Variants in NUCB2 observed in about 807,000 individuals in gnomAD.
The protein encoded by NUCB2 is nucleobindin-2.
A neutral mutation model predicts 57.9 loss-of-function variants in NUCB2; 48 were observed. That is an observed-to-expected ratio of 0.83 (90% CI 0.66 to 1.05). The LOEUF (loss-of-function observed/expected upper bound fraction) is 1.05, where lower values mean the gene tolerates loss of function less well. Among genes scored for constraint, NUCB2 ranks in the 50% least tolerant of loss-of-function variants. The pLI is 0.00. For missense variants in NUCB2, 442 were observed against 476.2 expected (o/e 0.93, Z 0.67); for synonymous variants, 139 against 152.1 (o/e 0.91, Z 0.64).
chr11:17,312,229 C>T lies in NUCB2; in HGVS notation c.912+109C>T, dbSNP rs73417229. ...AGAATTTGTATTTAAATGGAGTTTG[C>T]GTTTTTGTTTTTGTTTTTTTTTTGA... On this transcript the variant is annotated intron_variant, in intron 10 of 13. Transcript: ENST00000529010. The T allele has an allele frequency of 2.9e-3, 2,018 of 698,922 alleles. 32 individuals are homozygous for T. In the African/African-American group the frequency reaches 0.029, roughly 10 times the overall value. The allele number at this position is 698,922 out of a possible 1,614,324, so 43.3% of individuals were successfully genotyped here.
At chr11:17,305,883 C>T (rs1313725674) in intron 5 of NUCB2, among the ~76,000 whole-genome samples, 1 of 152,042 alleles carries the variant, frequency 6.6e-6, no homozygotes, top group Non-Finnish European at 1.5e-5. Context: ...GCCTTGGCCT[C>T]CTAAAGTGCA....
At chr11:17,341,819 T>C (rs1449442766) in intron 2 of NUCB2, among the ~76,000 whole-genome samples, 1 of 152,214 alleles carries the variant, frequency 6.6e-6, no homozygotes, top group African/African-American at 2.4e-5. Context: ...ATCAGGATGA[T>C]GCTGGGCTCA....
chr11:17,330,366 G>T lies in NUCB2; in HGVS notation c.1173+69G>T. 1.6e-6 allele frequency: 2 copies of T among 1,223,896 alleles called. No individual in the cohort carries two copies. Among genetic ancestry groups the T allele is most frequent in the South Asian group, 2.9e-5 (2 of 68,202 alleles). The allele number at this position is 1,223,896 out of a possible 1,614,324, so 75.8% of individuals were successfully genotyped here. A position where few individuals can be genotyped will look rare whatever the true frequency, so the allele number is the denominator to read the frequency against. ...TGCTTTGTTAAAAGCCTGTGTTTTT[G>T]TAACATATTTCATTGTACTATATAG... is the stretch of plus-strand genomic sequence containing the variant. On this transcript the variant is annotated intron_variant, in intron 12 of 13. Transcript: ENST00000529010. This position sits in a 1 kb window ranked among gnomAD's most constrained non-coding sequence, Gnocchi z 4.3.
intron 2 of NUCB2, among the ~76,000 whole-genome samples, chr11:17,292,543 G>T (rs746152854): frequency 6.6e-6 from 1 of 152,172 alleles, no homozygotes; most frequent in Non-Finnish European, 1.5e-5. Flanking sequence ...TATGGAGTAG[G>T]CCTTGAGAAT....
chr11:17,301,825 G>C lies in NUCB2; in HGVS notation c.334G>C (p.Gly112Arg), dbSNP rs776221178. Residue 112 changes from glycine (G) to arginine (R), a missense_variant, in exon 5 of 14, where the codon GGA becomes CGA. Gly to Arg is a moderately radical substitution (Grantham distance 125). Coordinates refer to ENST00000529010, the MANE Select transcript of NUCB2 (RefSeq NM_005013.4). Reference protein sequence around the residue: ...KLDELKRQEVGRLRMLIKAKL... With the variant: ...KLDELKRQEVRRLRMLIKAKL... ...TGATGAACTGAAAAGGCAAGAAGTA[G>C]GAAGGTTAAGAATGTTAATTAAAGC... 5.6e-5 allele frequency: 91 copies of C among 1,613,492 alleles called. 1 individual carries two copies. The East Asian group carries it at 2.0e-3, about 36-fold the overall frequency.
chr11:17,334,259 T>A (rs1466193093), downstream of NUCB2: 1 of 152,236 alleles, frequency 6.6e-6, no homozygotes, highest in Non-Finnish European at 1.5e-5. Context: ...AAGAAACAGA[T>A]CTAGGCTGAG....
intron 4 of NUCB2, among the ~76,000 whole-genome samples, chr11:17,297,367 G>T (rs562696158): frequency 6.6e-6 from 1 of 152,220 alleles, no homozygotes; most frequent in Admixed American, 6.5e-5. Flanking sequence ...CTCCCGTTAG[G>T]TTGTGGTGTC....
chr11:17,290,498 C>T (rs1395044193), intron 2 of NUCB2, among the ~76,000 whole-genome samples: 1 of 151,880 alleles, frequency 6.6e-6, no homozygotes, highest in Non-Finnish European at 1.5e-5. Context: ...TGCTTGAGCC[C>T]AAGAGTTTGA....
intron 8 of NUCB2, among the ~76,000 whole-genome samples, 168 bp downstream of exon 8, chr11:17,311,451 AAT>A (rs982503572): frequency 6.6e-6 from 1 of 152,152 alleles, no homozygotes; most frequent in Non-Finnish European, 1.5e-5. Context: ...TGCAGTATAA[AAT>A]GTTTTAGATT....
intron 11 of NUCB2, among the ~76,000 whole-genome samples, chr11:17,320,446 G>T (rs1413700904): frequency 6.6e-6 from 1 of 152,014 alleles, no homozygotes; most frequent in Non-Finnish European, 1.5e-5. Context: ...GAGGTGGGCG[G>T]ATCACCTGAT....
At chr11:17,287,921 C>T (rs1413487954) in intron 2 of NUCB2, among the ~76,000 whole-genome samples, 1 of 152,104 alleles carries the variant, frequency 6.6e-6, no homozygotes, top group Non-Finnish European at 1.5e-5. Context: ...TCGCTTGAAC[C>T]CAGGAGGTGG....
chr11:17,340,668 G>A (rs1460223358), intron 2 of NUCB2, among the ~76,000 whole-genome samples: 6 of 152,046 alleles, frequency 3.9e-5, no homozygotes, highest in African/African-American at 1.2e-4. Context: ...GTAGATATGC[G>A]GCATTATTTC....
At chr11:17,277,279 C>T (rs1190127571) in intron 1 of NUCB2, among the ~76,000 whole-genome samples, 1 of 152,216 alleles carries the variant, frequency 6.6e-6, no homozygotes, top group Admixed American at 6.5e-5. Context: ...CAACCTCTGA[C>T]ACTTAGGAGA....
intron 2 of NUCB2, among the ~76,000 whole-genome samples, chr11:17,283,886 C>T (rs960978120): frequency 6.6e-6 from 1 of 152,192 alleles, no homozygotes; most frequent in Non-Finnish European, 1.5e-5. Context: ...CACTTGCCTT[C>T]CTTGCTAGCT....
In NUCB2 at chr11:17,301,774, G is replaced by C; in HGVS notation, c.283G>C (p.Val95Leu). 6.2e-7 allele frequency: 1 copy of C among 1,609,832 alleles called. No individual in the cohort carries two copies. The highest frequency in any genetic ancestry group is 8.5e-7 in the Non-Finnish European group (1 of 1,176,128). The change falls in exon 5 of 14, where the codon GTA (valine) becomes CTA (leucine). Residue 95 changes from valine (V) to leucine (L), a missense_variant. Val to Leu is a conservative substitution (Grantham distance 32). Transcript: ENST00000529010. The part of the protein sequence containing the change: ...SGRLSKELDL[V>L]SHHVRTKLDE... ...GAGGCTAAGCAAAGAACTGGATTTA[G>C]TAAGTCACCATGTGAGGACAAAACT...
At chr11:17,278,598 T>C (rs1941870985) in intron 1 of NUCB2, 1 of 152,216 alleles carries the variant, frequency 6.6e-6, no homozygotes, top group Admixed American at 6.5e-5. Context: ...TTTGCCAAGT[T>C]GGTTTGCGCT....
At chr11:17,328,303 T>C (rs1950948218) in intron 11 of NUCB2, among the ~76,000 whole-genome samples, 1 of 152,184 alleles carries the variant, frequency 6.6e-6, no homozygotes, top group African/African-American at 2.4e-5. Flanking sequence ...CAAGTACCTT[T>C]ATGGCCATCA....
At chr11:17,309,724 T>G in intron 6 of NUCB2, 49 bp downstream of exon 6, 4 of 1,164,608 alleles carry the variant, frequency 3.4e-6, no homozygotes, top group Non-Finnish European at 5.0e-6. Flanking sequence ...TTTGAGGTTT[T>G]GTAATTTGAC....
In NUCB2 at chr11:17,296,219, CAATTCAATAATATAT is replaced by C. The variant is rs1398044049; in HGVS notation, c.252+10_252+24del. ...GACATAGAGGAAATAAAGGTAAATG[CAATTCAATAATATAT>C]ACATATATGTATCTTAATTTAAAAT... On this transcript the variant is annotated intron_variant, in intron 4 of 13. Transcript: ENST00000529010. 1 of 1,517,802 alleles carries C rather than the reference CAATTCAATAATATAT, an allele frequency of 6.6e-7. No individual in the cohort carries two copies. The highest frequency in any genetic ancestry group is 2.3e-5 in the East Asian group (1 of 44,162). The allele number at this position is 1,517,802 out of a possible 1,614,324, so 94.0% of individuals were successfully genotyped here. A position where few individuals can be genotyped will look rare whatever the true frequency, so the allele number is the denominator to read the frequency against.
Sources: allele counts gnomAD v4.1 joint callset (sites outside exome capture counted in the v4.1 genomes callset), GRCh38; gene constraint gnomAD v4.1.1; non-coding constraint Gnocchi (gnomAD v3.1); transcripts MANE v1.5; gene names NCBI Gene and HGNC (gene_info 2026-07-23, HGNC 2026-07-21).